Variants in EXPH5 observed in about 807,000 individuals in gnomAD.
EXPH5 encodes the protein exophilin 5.
A neutral mutation model predicts 41.1 loss-of-function variants in EXPH5; 42 were observed. That is an observed-to-expected ratio of 1.02 (90% CI 0.80 to 1.32). The LOEUF (loss-of-function observed/expected upper bound fraction) is 1.32. Ranked by LOEUF, EXPH5 falls within the 40% of genes most tolerant of loss-of-function variation. The probability of loss-of-function intolerance (pLI) is 0.00; values close to 1 mark genes in which losing one functional copy is unlikely to be tolerated. For missense variants in EXPH5, 2,298 were observed against 2,314.5 expected (o/e 0.99, Z 0.15); for synonymous variants, 798 against 833.5 (o/e 0.96, Z 0.73).
chr11:108,566,679 C>T (rs1370221421), intron 1 of EXPH5, among the ~76,000 whole-genome samples: 1 of 151,854 alleles, frequency 6.6e-6, no homozygotes, highest in Admixed American at 6.6e-5. Context: ...ATGGCAAAAC[C>T]CCATCTCTAA....
chr11:108,561,759 T>C (rs947245195), intron 1 of EXPH5, among the ~76,000 whole-genome samples: 1 of 152,196 alleles, frequency 6.6e-6, no homozygotes, highest in Non-Finnish European at 1.5e-5. Flanking sequence ...TAAAGTGACA[T>C]GGCTAAGAGA....
intron 1 of EXPH5, among the ~76,000 whole-genome samples, chr11:108,579,477 C>T (rs756744611): frequency 6.6e-6 from 1 of 151,496 alleles, no homozygotes; most frequent in Non-Finnish European, 1.5e-5. Context: ...TCTTTCCTCA[C>T]TGTGTCTTTG....
Position 108,510,256 on chromosome 11 carries a change from T to G in EXPH5, c.5251A>C (p.Arg1751=), listed in dbSNP as rs753994560. ...REAEFSDNQR[R]LSPPFPLEPA... is the part of the protein sequence containing the mutation. Reference sequence around the variant, plus strand: ...TCCAGTGGAAAAGGAGGGCTCAGCCTCCTCTGATTGTCAGAGAATTCTGCT... The same window carrying G: ...TCCAGTGGAAAAGGAGGGCTCAGCCGCCTCTGATTGTCAGAGAATTCTGCT... Residue 1751 remains arginine, a synonymous_variant, in exon 6 of 6, where the codon AGG becomes CGG. Transcript: ENST00000265843. The G allele has an allele frequency of 1.2e-6, 2 of 1,613,940 alleles. No individual in the cohort carries two copies. Among genetic ancestry groups the G allele is most frequent in the Admixed American group, 1.7e-5 (1 of 59,982 alleles).
At chr11:108,518,212 G>A (rs2135947424) in intron 5 of EXPH5, 23 bp downstream of exon 5, 1 of 1,605,842 alleles carries the variant, frequency 6.2e-7, no homozygotes, top group Non-Finnish European at 8.5e-7. Context: ...TAGTTGCAAA[G>A]GCAATTTAAT....
At position 108,509,891 on chromosome 11, in the gene EXPH5, T is replaced by G. The variant is rs1417934555; in HGVS notation, c.5616A>C (p.Thr1872=). 6.2e-7 allele frequency: 1 copy of G among 1,608,296 alleles called. No individual in the cohort carries two copies. Among genetic ancestry groups the G allele is most frequent in the Non-Finnish European group, 8.5e-7 (1 of 1,177,992 alleles). The change falls in exon 6 of 6, where the codon ACA becomes ACC. Residue 1872 remains threonine (T), a synonymous_variant. Coordinates refer to ENST00000265843, the MANE Select transcript of EXPH5 (RefSeq NM_015065.3). Reference sequence around the variant, plus strand: ...ATATAGATATTGCAGACCTGGGACCTGTTTTTGTCCCGCTGCGATAAGCCC... The same window carrying G: ...ATATAGATATTGCAGACCTGGGACCGGTTTTTGTCCCGCTGCGATAAGCCC... ...ESWAYRSGTK[T]GPRSAISIYR...
intron 1 of EXPH5, among the ~76,000 whole-genome samples, chr11:108,580,428 A>G (rs1195225329): frequency 6.6e-6 from 1 of 152,160 alleles, no homozygotes; most frequent in African/African-American, 2.4e-5. Flanking sequence ...GAGGATGTGG[A>G]GAAAAGGGAA....
intron 3 of EXPH5, among the ~76,000 whole-genome samples, chr11:108,537,558 C>T (rs2093887144): frequency 6.6e-6 from 1 of 152,194 alleles, no homozygotes; most frequent in African/African-American, 2.4e-5. Flanking sequence ...CTAAGAAGGA[C>T]ATTTGCTAAA....
Position 108,579,841 on chromosome 11 carries a change from G to A in EXPH5, c.119+13577C>T, listed in dbSNP as rs76004060. Among the ~76,000 whole-genome samples the A allele has an allele frequency of 1.8e-3, 276 of 152,256 alleles. 3 individuals are homozygous for A. Among genetic ancestry groups the A allele is most frequent in the African/African-American group, 6.2e-3 (256 of 41,548 alleles). On this transcript the variant is annotated intron_variant, in intron 1 of 5. Transcript: ENST00000265843. The stretch of plus-strand genomic sequence containing the variant: ...TTCCAGGAAAAGCCCCCTAGTTCAG[G>A]TTTGAGGAGTAGGAAAAGGGTTTTC...
intron 1 of EXPH5, among the ~76,000 whole-genome samples, chr11:108,559,963 A>G (rs1018855754): frequency 1.3e-5 from 2 of 152,222 alleles, no homozygotes; most frequent in African/African-American, 4.8e-5. Flanking sequence ...AACATTCTGG[A>G]CTTTGCTTTA....
At position 108,514,224 on chromosome 11, in the gene EXPH5, C is replaced by G. The variant is rs746444482; in HGVS notation, c.1283G>C (p.Ser428Thr). 3 of 1,614,114 alleles carry G rather than the reference C, an allele frequency of 1.9e-6. No homozygotes were observed. The highest frequency in any genetic ancestry group is 2.5e-6 in the Non-Finnish European group (3 of 1,180,046). ...YHSQNVYQRVSLNAPMENAMS... is the reference protein window; with the variant it reads ...YHSQNVYQRVTLNAPMENAMS... ...TGCATTCTCCATGGGAGCATTTAAA[C>G]TAACACGTTGGTAAACATTCTGTGA... The change falls in exon 6 of 6, where the codon AGT becomes ACT. Residue 428 changes from serine (S) to threonine (T), a missense_variant. Transcript: ENST00000265843.
At position 108,505,574 on chromosome 11, in the gene EXPH5, A is replaced by G. The variant is rs2093640140; in HGVS notation, c.*3963T>C. 1 of 152,240 alleles carries G rather than the reference A, an allele frequency of 6.6e-6. No homozygotes were observed. Among genetic ancestry groups the G allele is most frequent in the South Asian group, 2.1e-4 (1 of 4,836 alleles). The allele number at this position is 152,240 out of a possible 1,614,324, so 9.4% of individuals were successfully genotyped here. A position where few individuals can be genotyped will look rare whatever the true frequency, so the allele number is the denominator to read the frequency against. ...ACAAAGTTTTAACAAAAGTGCTTACAGCTTATTTGTTTCAGATATACAGAA... is the reference window on the plus strand; with the variant it reads ...ACAAAGTTTTAACAAAAGTGCTTACGGCTTATTTGTTTCAGATATACAGAA... On this transcript the variant is annotated 3_prime_UTR_variant, in exon 6 of 6. Transcript: ENST00000265843.
At chr11:108,539,361 C>T (rs901714407) in intron 2 of EXPH5, among the ~76,000 whole-genome samples, 175 bp from the exon 3 acceptor site, 7 of 152,168 alleles carry the variant, frequency 4.6e-5, no homozygotes, top group African/African-American at 1.4e-4. Flanking sequence ...CTCTCTCCTG[C>T]GCCTCTGATG....
At chr11:108,518,502 T>C in intron 4 of EXPH5, 129 bp from the exon 5 acceptor site, 1 of 790,740 alleles carries the variant, frequency 1.3e-6, no homozygotes. Context: ...TTTTCTAATA[T>C]TTATTTCTCA....
intron 5 of EXPH5, among the ~76,000 whole-genome samples, chr11:108,517,671 C>T (rs2093735495): frequency 6.6e-6 from 1 of 152,200 alleles, no homozygotes; most frequent in African/African-American, 2.4e-5. Flanking sequence ...TAGATTTTAT[C>T]ACAGTGCATT....
At chr11:108,581,322 T>G (rs77788948) in intron 1 of EXPH5, among the ~76,000 whole-genome samples, 1 of 151,098 alleles carries the variant, frequency 6.6e-6, no homozygotes, top group Non-Finnish European at 1.5e-5. Flanking sequence ...GAAAAAAATA[T>G]ATATATATGT....
rs375603447 is a variant in EXPH5, at chr11:108,510,494, G to A, written c.5013C>T (p.Asn1671=). Residue 1671 remains asparagine (N), a synonymous_variant, in exon 6 of 6, where the codon AAC becomes AAT. Coordinates refer to ENST00000265843, the MANE Select transcript of EXPH5 (RefSeq NM_015065.3). ...TGGGTAGTACAGTAATGGGGAGAAG[G>A]TTCTCGGATTTCTTCACATGCTTTC... ...ENGKHVKKSE[N]LLPITVLPNR... 9.3e-5 allele frequency: 150 copies of A among 1,614,044 alleles called. No individual in the cohort carries two copies. Among genetic ancestry groups the A allele is most frequent in the Non-Finnish European group, 1.2e-4 (138 of 1,180,048 alleles).
upstream of EXPH5, among the ~76,000 whole-genome samples, chr11:108,597,742 A>G (rs2136136841): frequency 6.6e-6 from 1 of 152,312 alleles, no homozygotes. Flanking sequence ...ATAGGGAAGG[A>G]AAAAAACAAT....
rs1261257434 is a variant in EXPH5, at chr11:108,508,993, T to A, written c.*544A>T. 1 of 152,256 alleles carries A rather than the reference T, an allele frequency of 6.6e-6. No homozygotes were observed. The highest frequency in any genetic ancestry group is 1.5e-5 in the Non-Finnish European group (1 of 68,052). The allele number at this position is 152,256 out of a possible 1,614,324, so 9.4% of individuals were successfully genotyped here. A position where few individuals can be genotyped will look rare whatever the true frequency, so the allele number is the denominator to read the frequency against. On this transcript the variant is annotated 3_prime_UTR_variant, in exon 6 of 6. Coordinates refer to ENST00000265843, the MANE Select transcript of EXPH5 (RefSeq NM_015065.3). ...TCAGGTTAAAAAATAAATTCCTTTATCTTTGTTTGAAAGAGAAGATCACCA... is the reference window on the plus strand; with the variant it reads ...TCAGGTTAAAAAATAAATTCCTTTAACTTTGTTTGAAAGAGAAGATCACCA...
intron 3 of EXPH5, among the ~76,000 whole-genome samples, chr11:108,528,430 G>C (rs2093814247): frequency 6.6e-6 from 1 of 152,178 alleles, no homozygotes; most frequent in African/African-American, 2.4e-5. Context: ...ACATATTAGT[G>C]GATTTGCATT....
Sources: gnomAD v4.1 joint callset for allele counts (sites outside exome capture counted in the v4.1 genomes callset) on GRCh38, gnomAD v4.1.1 for gene constraint, MANE v1.5 for transcripts, NCBI Gene and HGNC (gene_info 2026-07-23, HGNC 2026-07-21) for gene names.